The following SLFNL1 variants were observed in gnomAD, a reference collection of about 807,000 sequenced individuals.
SLFNL1 encodes schlafen like 1.
In SLFNL1, 26 loss-of-function variants were observed where a neutral mutation model predicts 32.5. The observed-to-expected ratio is 0.80, with a 90% CI of 0.59 to 1.11. The LOEUF (loss-of-function observed/expected upper bound fraction) is 1.11. Ranked by LOEUF, SLFNL1 falls within the 50% of genes least tolerant of loss-of-function variation. The probability of loss-of-function intolerance (pLI) is 0.00; values close to 1 mark genes in which losing one functional copy is unlikely to be tolerated. For missense variants in SLFNL1, 553 were observed against 546.5 expected (o/e 1.01, Z -0.12); for synonymous variants, 255 against 242.2 (o/e 1.05, Z -0.49).
At position 41,017,484 on chromosome 1, in the gene SLFNL1, C is replaced by T. The variant is rs1643442801; in HGVS notation, c.958-107G>A. 2 of 1,511,836 alleles carry T rather than the reference C, an allele frequency of 1.3e-6. No homozygotes were observed. Among genetic ancestry groups the T allele is most frequent in the South Asian group, 1.3e-5 (1 of 77,096 alleles). The allele number at this position is 1,511,836 out of a possible 1,614,324, so 93.7% of individuals were successfully genotyped here. A position where few individuals can be genotyped will look rare whatever the true frequency, so the allele number is the denominator to read the frequency against. On this transcript the variant is annotated intron_variant, in intron 4 of 5. Transcript: ENST00000302946. The surrounding 1 kb of genome is among the most constrained non-coding windows in gnomAD (Gnocchi z 4.9). Reference sequence around the variant, plus strand: ...TCACTGATTCCTTAGGGCAGGCCAGCAGGGCTGGCACAGGGGCCATCCCCA... The same window carrying T: ...TCACTGATTCCTTAGGGCAGGCCAGTAGGGCTGGCACAGGGGCCATCCCCA...
rs778018968 is a variant in SLFNL1 at position 41,017,809 on chromosome 1, T to C, written c.783A>G (p.Gly261=). 3.1e-6 allele frequency: 5 copies of C among 1,600,648 alleles called. No individual in the cohort carries two copies. The highest frequency in any genetic ancestry group is 4.3e-6 in the Non-Finnish European group (5 of 1,170,544). ...CCTGCACCAGGCCGCTGTCCTCTAC[T>C]CCCACGAGCAGGCTGCCGCCCTCGC... ...LNSEGGSLLV[G]VEDSGLVQGI... is the part of the protein sequence containing the mutation. Residue 261 remains glycine, a synonymous_variant, in exon 4 of 6, where the codon GGA becomes GGG. Transcript: ENST00000302946. The surrounding 1 kb of genome is among the most constrained non-coding windows in gnomAD (Gnocchi z 4.9).
At position 41,017,808 on chromosome 1, in the gene SLFNL1, C is replaced by T. The variant is rs202080004; in HGVS notation, c.784G>A (p.Val262Ile). ...NSEGGSLLVG[V>I]EDSGLVQGIR... ...CCCTGCACCAGGCCGCTGTCCTCTA[C>T]TCCCACGAGCAGGCTGCCGCCCTCG... The change falls in exon 4 of 6, where the codon GTA (valine) becomes ATA (isoleucine). Residue 262 changes from valine to isoleucine, a missense_variant. Transcript: ENST00000302946. The surrounding 1 kb of genome is among the most constrained non-coding windows in gnomAD (Gnocchi z 4.9). 1.9e-6 allele frequency: 3 copies of T among 1,600,492 alleles called. No individual in the cohort carries two copies. The highest frequency in any genetic ancestry group is 3.4e-5 in the Admixed American group (2 of 59,554).
At chr1:41,018,290 C>A in intron 3 of SLFNL1, 134 bp from the exon 4 acceptor site, 1 of 918,176 alleles carries the variant, frequency 1.1e-6, no homozygotes. Context: ...ATGCCCCTCA[C>A]CAGGCCGAGG....
chr1:41,020,490 C>G lies in SLFNL1; in HGVS notation c.171G>C (p.Gln57His). 1 of 1,613,534 alleles carries G rather than the reference C, an allele frequency of 6.2e-7. No individual in the cohort carries two copies. Among genetic ancestry groups the G allele is most frequent in the Non-Finnish European group, 8.5e-7 (1 of 1,180,030 alleles). ...HTLYVGHLNP[Q>H]FSVPVLACLL... ...GGCAGGCAAGCACCGGCACTGAGAACTGGGGGTTCAGATGGCCCACATAGA... is the reference window on the plus strand; with the variant it reads ...GGCAGGCAAGCACCGGCACTGAGAAGTGGGGGTTCAGATGGCCCACATAGA... Residue 57 changes from glutamine (Q) to histidine (H), a missense_variant, in exon 3 of 6, where the codon CAG (glutamine) becomes CAC (histidine). Coordinates refer to ENST00000302946, the MANE Select transcript of SLFNL1 (RefSeq NM_144990.4).
At chr1:41,020,836 G>T (rs1643780224) in intron 2 of SLFNL1, 28 bp downstream of exon 2, 2 of 626,794 alleles carry the variant, frequency 3.2e-6, no homozygotes, top group Admixed American at 2.9e-5. Context: ...GAGGGCAGAG[G>T]GCAAGCAGGA....
chr1:41,016,995 A>G (rs1025055621), intron 5 of SLFNL1: 6 of 433,274 alleles, frequency 1.4e-5, no homozygotes, highest in Non-Finnish European at 2.4e-5. Context: ...GGCGTGAGCC[A>G]CTGCGCCTGG....
intron 1 of SLFNL1, 130 bp downstream of exon 1, chr1:41,021,493 T>G (rs183232121): frequency 2.0e-5 from 3 of 152,510 alleles, no homozygotes; most frequent in East Asian, 1.9e-4. Context: ...TGTGCACATA[T>G]GTGCACACAC....
chr1:41,020,838 C>T, intron 2 of SLFNL1, 26 bp downstream of exon 2: 1 of 624,008 alleles, frequency 1.6e-6, no homozygotes, highest in Non-Finnish European at 2.8e-6. Context: ...GGGCAGAGGG[C>T]AAGCAGGAAA....
At chr1:41,016,317 G>A in intron 5 of SLFNL1, 89 bp from the exon 6 acceptor site, 2 of 1,545,366 alleles carry the variant, frequency 1.3e-6, no homozygotes, top group Non-Finnish European at 1.7e-6. Context: ...AGGGAGGAAG[G>A]CAAAGCCCAG....
chr1:41,016,472 C>G, intron 5 of SLFNL1: 1 of 526,746 alleles, frequency 1.9e-6, no homozygotes, highest in Non-Finnish European at 3.4e-6. Context: ...TGCCTCCTCA[C>G]TGTTGGTCCC....
In SLFNL1 at chr1:41,020,765, G is replaced by T; in HGVS notation, c.-105C>A. The T allele has an allele frequency of 1.9e-6, 2 of 1,038,630 alleles. No homozygotes were observed. Among genetic ancestry groups the T allele is most frequent in the Admixed American group, 2.4e-5 (1 of 42,264 alleles). 64.3% of individuals were successfully genotyped at this position (1,038,630 alleles called of 1,614,324 possible). A position where few individuals can be genotyped will look rare whatever the true frequency, so the allele number is the denominator to read the frequency against. On this transcript the variant is annotated 5_prime_UTR_variant, in exon 3 of 6. Transcript: ENST00000302946. ...CTTAAGGGCTCCCAGAGGACTCAGGGAGTGTCCCGGCTCCTGGGAGGTACA... is the reference window on the plus strand; with the variant it reads ...CTTAAGGGCTCCCAGAGGACTCAGGTAGTGTCCCGGCTCCTGGGAGGTACA...
chr1:41,020,328 G>A lies in SLFNL1; in HGVS notation c.333C>T (p.Arg111=). The change falls in exon 3 of 6, where the codon CGC becomes CGT. Residue 111 remains arginine (R), a synonymous_variant. Transcript: ENST00000302946. ...HRDTLASLPW[R]LQTALEEHLI... ...GGTGCTCCTCCAGGGCCGTCTGCAG[G>A]CGCCAGGGGAGGGAGGCCAGGGTGT... The A allele has an allele frequency of 2.5e-6, 4 of 1,613,660 alleles. No individual in the cohort carries two copies. Among genetic ancestry groups the A allele is most frequent in the Middle Eastern group, 1.7e-4 (1 of 6,040 alleles).
chr1:41,020,621 CT>C lies in SLFNL1; in HGVS notation c.39del (p.Glu14SerfsTer21). On this transcript the variant is annotated frameshift_variant, in exon 3 of 6. Transcript: ENST00000302946. LOFTEE classifies it high-confidence loss of function. ...PMKRSVQTQV[S>X]EPFMESWGEE... ...TCACCCCAGGACTCCATGAAGGGCT[CT>C]GACACCTGTGTTTGCACTGATCTCT... 6.2e-7 allele frequency: 1 copy of C among 1,613,346 alleles called. No individual in the cohort carries two copies. Among genetic ancestry groups the C allele is most frequent in the Non-Finnish European group, 8.5e-7 (1 of 1,179,970 alleles).
Position 41,017,271 on chromosome 1 carries a change from G to A in SLFNL1, c.1064C>T (p.Pro355Leu), listed in dbSNP as rs138289455. The change falls in exon 5 of 6, where the codon CCG becomes CTG. Residue 355 changes from proline (P) to leucine (L), a missense_variant. Coordinates refer to ENST00000302946, the MANE Select transcript of SLFNL1 (RefSeq NM_144990.4). This position sits in a 1 kb window ranked among gnomAD's most constrained non-coding sequence, Gnocchi z 4.9. Reference sequence around the variant, plus strand: ...CTCCTGGATGGCGCTGGCAGACAGCGGGCCCTGGATGCTCCCGTCGCGCCG... The same window carrying A: ...CTCCTGGATGGCGCTGGCAGACAGCAGGCCCTGGATGCTCCCGTCGCGCCG... ...FLRRDGSIQG[P>L]LSASAIQEWC... 78 of 1,605,322 alleles carry A rather than the reference G, an allele frequency of 4.9e-5. No homozygotes were observed. Among genetic ancestry groups the A allele is most frequent in the Middle Eastern group, 1.7e-4 (1 of 5,916 alleles).
rs957532255 is a variant in SLFNL1 at position 41,017,058 on chromosome 1, G to C, written c.1101+176C>G. The C allele has an allele frequency of 1.4e-6, 1 of 734,842 alleles. No individual in the cohort carries two copies. Among genetic ancestry groups the C allele is most frequent in the Non-Finnish European group, 2.1e-6 (1 of 486,570 alleles). 45.5% of individuals were successfully genotyped at this position (734,842 alleles called of 1,614,324 possible). ...AGCTTGGGCCTCTTCCTTCCCACCA[G>C]CCACCTACCCGCGGAGTATGGGATG... is the stretch of plus-strand genomic sequence containing the variant. On this transcript the variant is annotated intron_variant, in intron 5 of 5. Transcript: ENST00000302946. The surrounding 1 kb of genome is among the most constrained non-coding windows in gnomAD (Gnocchi z 4.9).
chr1:41,018,017 G>T lies in SLFNL1; in HGVS notation c.575C>A (p.Pro192His), dbSNP rs1474356440. Reference protein sequence around the residue: ...AQQLQSCQGRPSGVCSDSAIV... With the variant: ...AQQLQSCQGRHSGVCSDSAIV... ...GGCACTGTCGGAGCACACGCCGCTGGGCCGGCCCTGGCAGCTCTGCAGCTG... is the reference window on the plus strand; with the variant it reads ...GGCACTGTCGGAGCACACGCCGCTGTGCCGGCCCTGGCAGCTCTGCAGCTG... The change falls in exon 4 of 6, where the codon CCC (proline) becomes CAC (histidine). Residue 192 changes from proline to histidine, a missense_variant. Pro to His is a moderately conservative substitution (Grantham distance 77). Transcript: ENST00000302946. 10 of 1,601,160 alleles carry T rather than the reference G, an allele frequency of 6.2e-6. No individual in the cohort carries two copies. Among genetic ancestry groups the T allele is most frequent in the Non-Finnish European group, 7.7e-6 (9 of 1,174,732 alleles).
intron 3 of SLFNL1, 124 bp from the exon 4 acceptor site, chr1:41,018,280 A>C: frequency 8.0e-6 from 8 of 1,000,276 alleles, no homozygotes; most frequent in Non-Finnish European, 1.1e-5. Context: ...GGACATCCTG[A>C]TGCCCCTCAC....
Position 41,017,588 on chromosome 1 carries a change from TGATGACA to T in SLFNL1, c.957+40_957+46del, listed in dbSNP as rs746537061. On this transcript the variant is annotated intron_variant, in intron 4 of 5. Transcript: ENST00000302946. This position sits in a 1 kb window ranked among gnomAD's most constrained non-coding sequence, Gnocchi z 4.9. ...GAGTGCAGGCCATCGTCTTACTGAGTGATGACAGATGACAGGCCCAGAGGCCCTCCTG... is the reference window on the plus strand; with the variant it reads ...GAGTGCAGGCCATCGTCTTACTGAGTGATGACAGGCCCAGAGGCCCTCCTG... 12 of 1,509,848 alleles carry T rather than the reference TGATGACA, an allele frequency of 7.9e-6. No homozygotes were observed. The highest frequency in any genetic ancestry group is 8.9e-6 in the Non-Finnish European group (10 of 1,129,462). The allele number at this position is 1,509,848 out of a possible 1,614,324, so 93.5% of individuals were successfully genotyped here. A position where few individuals can be genotyped will look rare whatever the true frequency, so the allele number is the denominator to read the frequency against.
chr1:41,018,277 C>T (rs947926466), intron 3 of SLFNL1, 121 bp from the exon 4 acceptor site: 10 of 1,065,644 alleles, frequency 9.4e-6, no homozygotes, highest in East Asian at 2.7e-5. Context: ...TACGGACATC[C>T]TGATGCCCCT....
Sources: gnomAD v4.1 joint callset for allele counts on GRCh38, gnomAD v4.1.1 for gene constraint, Gnocchi (gnomAD v3.1) non-coding constraint, MANE v1.5 for transcripts, NCBI Gene and HGNC (gene_info 2026-07-23, HGNC 2026-07-21) for gene names.